The following MYLK variants were observed in gnomAD, a reference collection of about 807,000 sequenced individuals.
The protein encoded by MYLK is myosin light chain kinase, smooth muscle.
MYLK carries 106 observed loss-of-function variants against 203.4 expected under a neutral mutation model. The ratio of observed to expected loss-of-function variants is 0.52; its 90% confidence interval spans 0.45 to 0.61. MYLK has a LOEUF of 0.61. Ranked by LOEUF, MYLK falls within the 20% of genes least tolerant of loss-of-function variation. The pLI is 0.00. For synonymous variants in MYLK, 867 were observed against 959.5 expected, an observed-to-expected ratio of 0.90 and a Z score of 1.78; for missense variants, 2,072 against 2,442.3, an observed-to-expected ratio of 0.85 and a Z score of 3.20.
chr3:123,811,753 G>A (rs947788016), intron 3 of MYLK, among the ~76,000 whole-genome samples: 1 of 152,154 alleles, frequency 6.6e-6, no homozygotes, highest in African/African-American at 2.4e-5. Context: ...GGCAATTCTA[G>A]TGCCAGAACA....
chr3:123,671,285 A>C (rs1181448188), intron 20 of MYLK, among the ~76,000 whole-genome samples: 1 of 152,262 alleles, frequency 6.6e-6, no homozygotes, highest in East Asian at 1.9e-4. Context: ...AAGTTTGTGG[A>C]GACTGGAAGT....
chr3:123,884,129 C>T (rs372443657), intron 1 of MYLK, 77 bp downstream of exon 1: 32 of 152,064 alleles, frequency 2.1e-4, no homozygotes, highest in African/African-American at 6.5e-4. Context: ...TCCCAGCCCC[C>T]ACCCAGAACT....
intron 2 of MYLK, among the ~76,000 whole-genome samples, chr3:123,844,419 C>T (rs1046367325): frequency 6.6e-6 from 1 of 152,196 alleles, no homozygotes; most frequent in Admixed American, 6.5e-5. Context: ...CCAGCCACAG[C>T]TCTTTCAAGA....
chr3:123,850,261 T>G (rs1197563693), intron 2 of MYLK, among the ~76,000 whole-genome samples: 1 of 152,176 alleles, frequency 6.6e-6, no homozygotes, highest in African/African-American at 2.4e-5. Context: ...ATATACCGAG[T>G]AATGGGATGG....
chr3:123,673,727 C>T (rs141311220), intron 20 of MYLK, among the ~76,000 whole-genome samples: 158 of 152,308 alleles, frequency 1.0e-3, no homozygotes, highest in Non-Finnish European at 2.0e-3. Context: ...TTCCTGTCAG[C>T]CCTGTGTCTC....
At chr3:123,625,467 C>T (rs1181150606) in intron 31 of MYLK, among the ~76,000 whole-genome samples, 1 of 142,082 alleles carries the variant, frequency 7.0e-6, no homozygotes, top group Admixed American at 7.1e-5. Flanking sequence ...GACTTTGTCT[C>T]GAGGAAAAAA....
At position 123,700,806 on chromosome 3, in the gene MYLK, G is replaced by A. The variant is rs147332242; in HGVS notation, c.2662C>T (p.Arg888Cys). The A allele has an allele frequency of 3.1e-5, 50 of 1,614,162 alleles. No individual in the cohort carries two copies. The African/African-American group carries it at 4.3e-4, about 14-fold the overall frequency. The change falls in exon 18 of 34, where the codon CGC becomes TGC. Residue 888 changes from arginine (R) to cysteine (C), a missense_variant. Arg to Cys is a radical substitution (Grantham distance 180, BLOSUM62 -3). Transcript: ENST00000360304. Reference sequence around the variant, plus strand: ...TCCAGCTGCTCCACCTCCTGCTGGCGGATCGCCTCCTCAGTGTGCTGCCTC... The same window carrying A: ...TCCAGCTGCTCCACCTCCTGCTGGCAGATCGCCTCCTCAGTGTGCTGCCTC... Reference protein sequence around the residue: ...ETRQHTEEAIRQQEVEQLDFR... With the variant: ...ETRQHTEEAICQQEVEQLDFR...
intron 29 of MYLK, among the ~76,000 whole-genome samples, chr3:123,631,777 G>A (rs2058434538): frequency 6.6e-6 from 1 of 152,020 alleles, no homozygotes; most frequent in African/African-American, 2.4e-5. Flanking sequence ...TCTCGGTCAT[G>A]TCCCCATGAG....
intron 3 of MYLK, among the ~76,000 whole-genome samples, chr3:123,811,500 G>A (rs1377158775): frequency 6.6e-6 from 1 of 152,152 alleles, no homozygotes; most frequent in Non-Finnish European, 1.5e-5. Flanking sequence ...AAAAGCTAAT[G>A]GGGCATTGAC....
rs181287094 is a variant in MYLK, at chr3:123,767,076, G to A, written c.166-14538C>T. Among the ~76,000 whole-genome samples, 35 of 152,274 alleles carry A rather than the reference G, an allele frequency of 2.3e-4. No individual in the cohort carries two copies. In the East Asian group the frequency reaches 6.2e-3, roughly 27 times the overall value. The stretch of plus-strand genomic sequence containing the variant: ...ATGGAGGGAAAAGCTGCCCAGTTAC[G>A]TAGTAAAAAACAAAACTCAAACTTT... On this transcript the variant is annotated intron_variant, in intron 4 of 33. Transcript: ENST00000360304.
At chr3:123,694,020 C>T (rs1032340295) in intron 18 of MYLK, among the ~76,000 whole-genome samples, 12 of 152,332 alleles carry the variant, frequency 7.9e-5, no homozygotes, top group South Asian at 2.1e-4. Context: ...ACTACTGTCC[C>T]TGCCCCCCAT....
intron 6 of MYLK, among the ~76,000 whole-genome samples, 184 bp downstream of exon 6, chr3:123,739,769 G>A (rs1245765397): frequency 6.6e-6 from 1 of 152,164 alleles, no homozygotes; most frequent in Non-Finnish European, 1.5e-5. Context: ...CCAGTCAAAG[G>A]AGCCAATCAC....
intron 5 of MYLK, among the ~76,000 whole-genome samples, chr3:123,741,838 C>T (rs563913661): frequency 4.6e-5 from 7 of 152,280 alleles, no homozygotes; most frequent in Non-Finnish European, 8.8e-5. Context: ...ATATCTGAAA[C>T]GTGCAGGTAC....
At chr3:123,684,831 C>T (rs144446134) in intron 19 of MYLK, among the ~76,000 whole-genome samples, 3 of 152,308 alleles carry the variant, frequency 2.0e-5, no homozygotes, top group Admixed American at 6.5e-5. Context: ...CCACGGCACC[C>T]GGCCCTTCTT....
At chr3:123,647,721 A>AT (rs36091148) in intron 26 of MYLK, among the ~76,000 whole-genome samples, 14,284 of 145,814 alleles carry the variant, frequency 0.098, 1,481 homozygotes, top group East Asian at 0.34. Flanking sequence ...ATCTTTAAAC[A>AT]TTTTTTTTTT....
intron 6 of MYLK, 56 bp downstream of exon 6, chr3:123,739,897 C>G: frequency 6.4e-7 from 1 of 1,573,750 alleles, no homozygotes; most frequent in Non-Finnish European, 8.7e-7. Flanking sequence ...CTATCCTGCT[C>G]AAGTCAGCAG....
At chr3:123,717,196 T>A (rs1298524498) in intron 13 of MYLK, among the ~76,000 whole-genome samples, 1 of 152,220 alleles carries the variant, frequency 6.6e-6, no homozygotes, top group Admixed American at 6.5e-5. Context: ...GGATAGATTG[T>A]ATAGTGTCCA....
At position 123,700,197 on chromosome 3, in the gene MYLK, A is replaced by C. The variant is rs745443960; in HGVS notation, c.3271T>G (p.Ser1091Ala). Reference protein sequence around the residue: ...HAGTTDNEKRSESQGTAPAFK... With the variant: ...HAGTTDNEKRAESQGTAPAFK... Reference sequence around the variant, plus strand: ...GCTGGGGCTGTCCCCTGGCTCTCTGATCTCTTTTCATTATCTGTGGTCCCT... The same window carrying C: ...GCTGGGGCTGTCCCCTGGCTCTCTGCTCTCTTTTCATTATCTGTGGTCCCT... The change falls in exon 18 of 34, where the codon TCA becomes GCA. Residue 1091 changes from serine to alanine, a missense_variant. Ser to Ala is a moderately conservative substitution (Grantham distance 99). Coordinates refer to ENST00000360304, the MANE Select transcript of MYLK (RefSeq NM_053025.4). The C allele has an allele frequency of 6.2e-7, 1 of 1,613,624 alleles. No homozygotes were observed. Among genetic ancestry groups the C allele is most frequent in the Non-Finnish European group, 8.5e-7 (1 of 1,179,924 alleles).
intron 29 of MYLK, among the ~76,000 whole-genome samples, chr3:123,632,345 C>G (rs573123828): frequency 2.0e-5 from 3 of 152,174 alleles, no homozygotes; most frequent in African/African-American, 7.2e-5. Context: ...CCACTGGAAA[C>G]AGAGAGGGGG....
Sources: gnomAD v4.1 joint callset for allele counts (sites outside exome capture counted in the v4.1 genomes callset) on GRCh38, gnomAD v4.1.1 for gene constraint, MANE v1.5 for transcripts, NCBI Gene and HGNC (gene_info 2026-07-23, HGNC 2026-07-21) for gene names.